Variants in ANK1 observed in about 807,000 individuals in gnomAD.
ANK1 encodes ankyrin-1.
A neutral mutation model predicts 210.4 loss-of-function variants in ANK1; 51 were observed. That is an observed-to-expected ratio of 0.24 (90% CI 0.19 to 0.31). ANK1 has a LOEUF of 0.31. Among genes scored for constraint, ANK1 ranks in the 10% least tolerant of loss-of-function variants. The pLI is 1.00. For synonymous variants in ANK1, 967 were observed against 1,025.9 expected, an observed-to-expected ratio of 0.94 and a Z score of 1.10; for missense variants, 2,051 against 2,504.4, an observed-to-expected ratio of 0.82 and a Z score of 3.86.
intron 1 of ANK1, among the ~76,000 whole-genome samples, chr8:41,896,059 C>G (rs1820460438): frequency 1.3e-5 from 2 of 152,210 alleles, no homozygotes; most frequent in African/African-American, 4.8e-5. Flanking sequence ...GCGGGCCTGC[C>G]GGGTGCTGTC....
At chr8:41,789,628 T>G (rs1211633648) in intron 1 of ANK1, among the ~76,000 whole-genome samples, 1 of 152,164 alleles carries the variant, frequency 6.6e-6, no homozygotes, top group Non-Finnish European at 1.5e-5. Context: ...TGAAGACTAG[T>G]GGGGAGACAG....
chr8:41,826,813 C>T (rs566446722), intron 1 of ANK1, among the ~76,000 whole-genome samples: 4 of 151,778 alleles, frequency 2.6e-5, no homozygotes, highest in Non-Finnish European at 4.4e-5. Context: ...CTAGCCTTGT[C>T]GTAACAATAA....
chr8:41,865,899 C>A (rs1321019610), intron 1 of ANK1, among the ~76,000 whole-genome samples: 1 of 152,198 alleles, frequency 6.6e-6, no homozygotes, highest in East Asian at 1.9e-4. Context: ...CCACAGTAAT[C>A]TCAGAAAATC....
chr8:41,727,932 T>A lies in ANK1; in HGVS notation c.303A>T (p.Gly101=), dbSNP rs1586511504. 1.2e-6 allele frequency: 2 copies of A among 1,614,120 alleles called. No homozygotes were observed. Among genetic ancestry groups the A allele is most frequent in the Non-Finnish European group, 1.7e-6 (2 of 1,180,028 alleles). The change falls in exon 4 of 43, where the codon GGA becomes GGT. Residue 101 remains glycine (G), a synonymous_variant. Coordinates refer to ENST00000289734, the MANE Select transcript of ANK1 (RefSeq NM_000037.4). ...CCTGTGACTGGGCGTTGACGTTGGC[T>A]CCATAGTTGACAAGCTCCCGGACCA... ...DEVVRELVNY[G]ANVNAQSQKG...
intron 22 of ANK1, among the ~76,000 whole-genome samples, chr8:41,701,201 AAGAACCAGGC>A (rs1289102485): frequency 6.6e-6 from 1 of 152,236 alleles, no homozygotes; most frequent in African/African-American, 2.4e-5. Flanking sequence ...AGCACAAAGA[AAGAACCAGGC>A]AGAATTTTAT....
chr8:41,656,868 C>T (rs1267943916), intron 42 of ANK1, among the ~76,000 whole-genome samples: 2 of 152,170 alleles, frequency 1.3e-5, no homozygotes, highest in Non-Finnish European at 1.5e-5. Context: ...TTGCCAGGGG[C>T]TGCTGTAGAA....
intron 1 of ANK1, among the ~76,000 whole-genome samples, chr8:41,845,908 C>T (rs1809956001): frequency 1.3e-5 from 2 of 152,190 alleles, no homozygotes; most frequent in South Asian, 4.1e-4. Flanking sequence ...ATATCAGGGT[C>T]ACCAAAAGTC....
intron 1 of ANK1, among the ~76,000 whole-genome samples, chr8:41,830,726 G>A (rs1806437035): frequency 6.6e-6 from 1 of 152,164 alleles, no homozygotes; most frequent in Non-Finnish European, 1.5e-5. Context: ...CCTACCCAGT[G>A]CCAAAGAAAC....
In ANK1 at chr8:41,797,094, C is replaced by G. The variant is rs1848890003; in HGVS notation, c.27+418G>C. 6.6e-6 allele frequency among the ~76,000 whole-genome samples: 1 copy of G among 152,210 alleles called. No individual in the cohort carries two copies. Among genetic ancestry groups the G allele is most frequent in the African/African-American group, 2.4e-5 (1 of 41,462 alleles). On this transcript the variant is annotated intron_variant, in intron 1 of 42. Transcript: ENST00000289734. The surrounding 1 kb of genome is among the most constrained non-coding windows in gnomAD (Gnocchi z 4.0). ...CCCTTCCAAATGACAGTGACAGCCC[C>G]CTAGCCGGGTGGCCCACCCCGCAGC...
At chr8:41,721,656 C>CAAAAAAAAAAAAAAA (rs55653901) in intron 9 of ANK1, among the ~76,000 whole-genome samples, 7 of 108,126 alleles carry the variant, frequency 6.5e-5, no homozygotes, top group Non-Finnish European at 1.1e-4. Flanking sequence ...GACTTCATCT[C>CAAAAAAAAAAAAAAA]AAAAAAAAAA....
chr8:41,797,703 G>T, upstream of ANK1: 2 of 1,097,480 alleles, frequency 1.8e-6, no homozygotes, highest in Non-Finnish European at 2.5e-6. This position sits in a 1 kb window ranked among gnomAD's most constrained non-coding sequence, Gnocchi z 4.0. Context: ...GGGCGCTCCC[G>T]GCACGGGCGG....
intron 1 of ANK1, among the ~76,000 whole-genome samples, chr8:41,884,176 C>G (rs1450809088): frequency 6.6e-6 from 1 of 151,588 alleles, no homozygotes; most frequent in African/African-American, 2.4e-5. Flanking sequence ...ATGGTGAAAC[C>G]CTGTCTCCAC....
At chr8:41,828,982 T>G (rs1320257356) in intron 1 of ANK1, 1 of 152,286 alleles carries the variant, frequency 6.6e-6, no homozygotes, top group Non-Finnish European at 1.5e-5. Context: ...CCTGGCGCCC[T>G]CTAGGCCATC....
At chr8:41,700,479 T>C in intron 22 of ANK1, 1 of 1,612,384 alleles carries the variant, frequency 6.2e-7, no homozygotes, top group Middle Eastern at 1.7e-4. Flanking sequence ...AGAGCAGAAT[T>C]GAAAGAAGGA....
chr8:41,882,666 C>T (rs901670393), intron 1 of ANK1, among the ~76,000 whole-genome samples: 1 of 152,184 alleles, frequency 6.6e-6, no homozygotes, highest in Non-Finnish European at 1.5e-5. Flanking sequence ...CACTACAAGC[C>T]AAGCCTCCAA....
At chr8:41,725,617 G>T in intron 6 of ANK1, 144 bp downstream of exon 6, 1 of 1,147,868 alleles carries the variant, frequency 8.7e-7, no homozygotes, top group Non-Finnish European at 1.2e-6. Flanking sequence ...GGGCCCCTCT[G>T]CGTCCTGGGG....
chr8:41,755,909 T>C (rs117402697), intron 2 of ANK1, among the ~76,000 whole-genome samples: 1 of 152,314 alleles, frequency 6.6e-6, no homozygotes, highest in Non-Finnish European at 1.5e-5. Context: ...CTTCATCCAG[T>C]TTGCAAATTC....
intron 20 of ANK1, among the ~76,000 whole-genome samples, chr8:41,703,378 G>A (rs1471507288): frequency 1.4e-5 from 2 of 142,404 alleles, no homozygotes; most frequent in African/African-American, 5.4e-5. Context: ...GTATGTGTGT[G>A]TGTGCATATA....
In ANK1 at chr8:41,684,618, C is replaced by T. The variant is rs763866388; in HGVS notation, c.4463G>A (p.Arg1488Gln). The change falls in exon 37 of 43, where the codon CGA becomes CAA. Residue 1488 changes from arginine to glutamine, a missense_variant. Arg to Gln is a conservative substitution (Grantham distance 43). Transcript: ENST00000289734. ...GTCTGGCTTCAAGTTGCGGCTCTGTCGGCCGGAACCCTCCAGCATGTTCAC... is the reference window on the plus strand; with the variant it reads ...GTCTGGCTTCAAGTTGCGGCTCTGTTGGCCGGAACCCTCCAGCATGTTCAC... The part of the protein sequence containing the change: ...EIVNMLEGSG[R>Q]QSRNLKPDRR... 21 of 1,613,772 alleles carry T rather than the reference C, an allele frequency of 1.3e-5. No individual in the cohort carries two copies. The highest frequency in any genetic ancestry group is 8.9e-5 in the East Asian group (4 of 44,900).
Sources: gnomAD v4.1 joint callset for allele counts (sites outside exome capture counted in the v4.1 genomes callset) on GRCh38, gnomAD v4.1.1 for gene constraint, Gnocchi (gnomAD v3.1) non-coding constraint, MANE v1.5 for transcripts, NCBI Gene and HGNC (gene_info 2026-07-23, HGNC 2026-07-21) for gene names.